Variants in SEMA6A observed in about 807,000 individuals in gnomAD.
The protein encoded by SEMA6A is semaphorin 6A.
A neutral mutation model predicts 96.8 loss-of-function variants in SEMA6A; 25 were observed. The observed-to-expected ratio is 0.26, with a 90% CI of 0.19 to 0.36. The LOEUF is 0.36. SEMA6A is among the 10% of genes least tolerant of loss of function. The pLI is 1.00. For missense variants in SEMA6A, 1,363 were observed against 1,323.1 expected (o/e 1.03, Z -0.47); for synonymous variants, 612 against 518.0 (o/e 1.18, Z -2.46).
chr5:116,518,785 C>A (rs1203727125), intron 1 of SEMA6A, among the ~76,000 whole-genome samples: 1 of 152,180 alleles, frequency 6.6e-6, no homozygotes, highest in Non-Finnish European at 1.5e-5. Context: ...CCTGCATCAT[C>A]CAGGCTTTCA....
chr5:116,492,722 A>AT (rs2112736517), intron 6 of SEMA6A, among the ~76,000 whole-genome samples: 1 of 152,332 alleles, frequency 6.6e-6, no homozygotes, highest in Admixed American at 6.5e-5. Flanking sequence ...AGATCAGGGC[A>AT]TGGTAGAGAG....
intron 1 of SEMA6A, among the ~76,000 whole-genome samples, chr5:116,522,440 G>A (rs963944285): frequency 2.9e-4 from 44 of 152,156 alleles, no homozygotes; most frequent in African/African-American, 8.4e-4. Context: ...TACAGGATGC[G>A]GGTGAGGGAA....
chr5:116,487,991 G>T (rs537728392), intron 9 of SEMA6A, 117 bp downstream of exon 9: 9 of 611,206 alleles, frequency 1.5e-5, no homozygotes, highest in Admixed American at 3.1e-5. Context: ...CCTCCAGACC[G>T]CACTCTGTTA....
chr5:116,491,977 T>C, intron 6 of SEMA6A, 147 bp from the exon 7 acceptor site: 1 of 641,654 alleles, frequency 1.6e-6, no homozygotes, highest in South Asian at 1.9e-5. Flanking sequence ...TAAACTGTAG[T>C]TGAGAATCAC....
At chr5:116,465,761 T>TA (rs1755693431) in intron 18 of SEMA6A, among the ~76,000 whole-genome samples, 1 of 152,198 alleles carries the variant, frequency 6.6e-6, no homozygotes, top group South Asian at 2.1e-4. Context: ...AGAAAATTAC[T>TA]GCAACCAACA....
intron 18 of SEMA6A, among the ~76,000 whole-genome samples, chr5:116,462,887 T>G (rs1467217850): frequency 6.6e-6 from 1 of 152,206 alleles, no homozygotes; most frequent in Non-Finnish European, 1.5e-5. Context: ...TATTATTTAC[T>G]TAGTATTTTT....
At chr5:116,480,706 A>G (rs1756714698) in intron 11 of SEMA6A, among the ~76,000 whole-genome samples, 1 of 146,202 alleles carries the variant, frequency 6.8e-6, no homozygotes, top group South Asian at 2.1e-4. Flanking sequence ...GAAAGAAAAG[A>G]CTCTCCAAAA....
intron 18 of SEMA6A, among the ~76,000 whole-genome samples, chr5:116,460,993 T>C (rs1460460517): frequency 6.6e-6 from 1 of 152,120 alleles, no homozygotes; most frequent in Non-Finnish European, 1.5e-5. Context: ...TTTTAATCTC[T>C]AAAAGTTTAG....
intron 2 of SEMA6A, 41 bp downstream of exon 2, chr5:116,504,804 G>T: frequency 6.9e-7 from 1 of 1,448,892 alleles, no homozygotes; most frequent in Non-Finnish European, 9.5e-7. Context: ...AGGCTAAAAT[G>T]TTCTCAAAGG....
At position 116,565,329 on chromosome 5, in the gene SEMA6A, C is replaced by T. The variant is rs182898417; in HGVS notation, c.-39+8856G>A. ...CAAAATAACTGCAAGGCTTGCAAGC[C>T]CTAGTATATCTCAAACCTTTCCCAA... On this transcript the variant is annotated intron_variant, in intron 1 of 18. Coordinates refer to ENST00000343348, the MANE Select transcript of SEMA6A (RefSeq NM_020796.5). Among the ~76,000 whole-genome samples the T allele has an allele frequency of 6.6e-5, 10 of 152,200 alleles. No homozygotes were observed. The East Asian group carries it at 1.7e-3, about 26-fold the overall frequency.
chr5:116,544,347 A>G (rs1441696344), intron 1 of SEMA6A, among the ~76,000 whole-genome samples: 2 of 152,142 alleles, frequency 1.3e-5, no homozygotes, highest in Non-Finnish European at 1.5e-5. Context: ...AGAGTGTAGT[A>G]TAGCATGATC....
intron 1 of SEMA6A, among the ~76,000 whole-genome samples, chr5:116,540,806 A>G (rs778023505): frequency 3.3e-5 from 5 of 152,184 alleles, no homozygotes; most frequent in African/African-American, 7.2e-5. Flanking sequence ...ACTGGCACCA[A>G]TACCTGCCAA....
chr5:116,557,285 T>C (rs153639), intron 1 of SEMA6A, among the ~76,000 whole-genome samples: 68,623 of 152,104 alleles, frequency 0.45, 18,399 homozygotes, highest in Middle Eastern at 0.65. Context: ...TGCAGTGCAG[T>C]GGTCCAATCT....
intron 1 of SEMA6A, among the ~76,000 whole-genome samples, chr5:116,539,590 C>CGT (rs138539399): frequency 0.029 from 4,184 of 144,894 alleles, 90 homozygotes; most frequent in African/African-American, 0.057. Flanking sequence ...TAATTCTGTG[C>CGT]GTGTGTGTGT....
intron 18 of SEMA6A, among the ~76,000 whole-genome samples, chr5:116,451,841 G>T (rs1275592041): frequency 6.6e-6 from 1 of 152,048 alleles, no homozygotes; most frequent in Non-Finnish European, 1.5e-5. Context: ...CTCAGTATTT[G>T]CTCAAAACAA....
In SEMA6A at chr5:116,445,638, C is replaced by G. The variant is rs1248741362; in HGVS notation, c.*975G>C. The stretch of plus-strand genomic sequence containing the variant: ...TTTTTGCATGTTTATAGGCCAGAGA[C>G]CTGACCAGGCAATGAACTGATAGAT... On this transcript the variant is annotated 3_prime_UTR_variant, in exon 19 of 19. Coordinates refer to ENST00000343348, the MANE Select transcript of SEMA6A (RefSeq NM_020796.5). 6.6e-6 allele frequency: 1 copy of G among 152,474 alleles called. No homozygotes were observed. The highest frequency in any genetic ancestry group is 1.5e-5 in the Non-Finnish European group (1 of 68,038). 9.4% of individuals were successfully genotyped at this position (152,474 alleles called of 1,614,324 possible).
rs772134310 is a variant in SEMA6A, at chr5:116,502,286, G to A, written c.142C>T (p.Arg48Trp). The A allele has an allele frequency of 2.9e-5, 47 of 1,613,772 alleles. No individual in the cohort carries two copies. Among genetic ancestry groups the A allele is most frequent in the Admixed American group, 3.3e-5 (2 of 59,980 alleles). The change falls in exon 3 of 19, where the codon CGG (arginine) becomes TGG (tryptophan). Residue 48 changes from arginine to tryptophan, a missense_variant. Physicochemically the swap from Arg to Trp is moderately radical, Grantham distance 101. Coordinates refer to ENST00000343348, the MANE Select transcript of SEMA6A (RefSeq NM_020796.5). ...YPVFVGHKPG[R>W]NTTQRHRLDI... ...AGCCTGTGCCTCTGTGTGGTGTTCC[G>A]TCCTGGCTTGTGGCCCACAAACACC...
chr5:116,568,361 G>A (rs1761089600), intron 1 of SEMA6A, among the ~76,000 whole-genome samples: 1 of 152,150 alleles, frequency 6.6e-6, no homozygotes, highest in Non-Finnish European at 1.5e-5. Context: ...AAGGTAGTGA[G>A]AGTCTGGAAC....
chr5:116,446,980 G>A lies in SEMA6A; in HGVS notation c.2726C>T (p.Ser909Phe). ...GLSKRLEMHHSSSYGVDYKRS... is the reference protein window; with the variant it reads ...GLSKRLEMHHFSSYGVDYKRS... ...CTTATAGTCAACCCCGTAGGAAGAG[G>A]AGTGGTGCATTTCCAGCCGCTTGCT... Residue 909 changes from serine (S) to phenylalanine (F), a missense_variant, in exon 19 of 19, where the codon TCC becomes TTC. Ser to Phe is a radical substitution (Grantham distance 155). This residue lies in a region of SEMA6A where 883 missense variants were observed against 763.6 expected (regional missense o/e 1.16). Transcript: ENST00000343348. The A allele has an allele frequency of 6.2e-7, 1 of 1,613,918 alleles. No individual in the cohort carries two copies. Among genetic ancestry groups the A allele is most frequent in the Non-Finnish European group, 8.5e-7 (1 of 1,179,874 alleles).
Sources: allele counts gnomAD v4.1 joint callset (sites outside exome capture counted in the v4.1 genomes callset), GRCh38; gene constraint gnomAD v4.1.1; regional missense constraint gnomAD v4.1.1; transcripts MANE v1.5; gene names NCBI Gene and HGNC (gene_info 2026-07-23, HGNC 2026-07-21).